The following PHGR1 variants were observed in gnomAD, a reference collection of about 807,000 sequenced individuals.
PHGR1 encodes the protein proline, histidine and glycine-rich protein 1.
PHGR1 carries 3 observed loss-of-function variants against 4.9 expected under a neutral mutation model. The ratio of observed to expected loss-of-function variants is 0.61; its 90% confidence interval spans 0.28 to 1.58. The LOEUF (loss-of-function observed/expected upper bound fraction) is 1.58, where lower values mean the gene tolerates loss of function less well. Ranked by LOEUF, PHGR1 falls within the 40% of genes most tolerant of loss-of-function variation. The probability of loss-of-function intolerance (pLI) is 0.11; values close to 1 mark genes in which losing one functional copy is unlikely to be tolerated. For synonymous variants in PHGR1, 32 were observed against 46.1 expected, an observed-to-expected ratio of 0.69 and a Z score of 1.24; for missense variants, 81 against 118.7, an observed-to-expected ratio of 0.68 and a Z score of 1.48.
chr15:40,354,057 A>T (rs1046337868), intron 2 of PHGR1, among the ~76,000 whole-genome samples: 2 of 152,156 alleles, frequency 1.3e-5, no homozygotes, highest in African/African-American at 4.8e-5. Flanking sequence ...GACAGAGTTG[A>T]GACAAGAACC....
chr15:40,354,248 G>T (rs906060707), intron 2 of PHGR1, 97 bp from the exon 3 acceptor site: 2 of 1,393,742 alleles, frequency 1.4e-6, no homozygotes, highest in East Asian at 5.0e-5. Context: ...AGGGGTGTGG[G>T]CACAAAATCC....
Sources: gnomAD v4.1 joint callset for allele counts (sites outside exome capture counted in the v4.1 genomes callset) on GRCh38, gnomAD v4.1.1 for gene constraint, MANE v1.5 for transcripts, NCBI Gene and HGNC (gene_info 2026-07-23, HGNC 2026-07-21) for gene names.